Variants in STXBP2 observed in about 807,000 individuals in gnomAD.
STXBP2 encodes the protein syntaxin binding protein 2, also known as syntaxin-binding protein 2.
In STXBP2, 47 loss-of-function variants were observed where a neutral mutation model predicts 72.2. That is an observed-to-expected ratio of 0.65 (90% CI 0.51 to 0.83). The LOEUF (loss-of-function observed/expected upper bound fraction) is 0.83, where lower values mean the gene tolerates loss of function less well. Ranked by LOEUF, STXBP2 falls within the 40% of genes least tolerant of loss-of-function variation. The probability of loss-of-function intolerance (pLI) is 0.00; values close to 1 mark genes in which losing one functional copy is unlikely to be tolerated. For missense variants in STXBP2, 702 were observed against 807.6 expected, an observed-to-expected ratio of 0.87 and a Z score of 1.58; for synonymous variants, 367 against 338.7, an observed-to-expected ratio of 1.08 and a Z score of -0.92.
chr19:7,631,414 C>A, the STXBP2 span: 1 of 1,418,488 alleles, frequency 7.0e-7, no homozygotes, highest in South Asian at 1.3e-5. Flanking sequence ...GGGGGTGGTC[C>A]CGGCTCTGAG....
intron 16 of STXBP2, chr19:7,646,674 G>A: frequency 4.5e-6 from 2 of 445,934 alleles, no homozygotes; most frequent in South Asian, 4.6e-5. Flanking sequence ...ACCATCCAAT[G>A]GCAATGGGCC....
intron 15 of STXBP2, among the ~76,000 whole-genome samples, chr19:7,645,634 A>G (rs562869581): frequency 7.9e-5 from 12 of 152,084 alleles, no homozygotes; most frequent in African/African-American, 2.4e-4. Flanking sequence ...CACATTGTCT[A>G]TCTGGGCTCC....
chr19:7,631,515 C>T, the STXBP2 span: 21 of 1,535,978 alleles, frequency 1.4e-5, no homozygotes, highest in South Asian at 1.2e-4. Flanking sequence ...ACGGAAGCGG[C>T]GGGAGGAGAA....
In STXBP2 at chr19:7,640,919, C is replaced by G. The variant is rs1199356702; in HGVS notation, c.345C>G (p.Phe115Leu). The change falls in exon 6 of 19, where the codon TTC (phenylalanine) becomes TTG (leucine). Residue 115 changes from phenylalanine to leucine, a missense_variant. By Grantham distance (22) the Phe-to-Leu change is conservative. Coordinates refer to ENST00000221283, the MANE Select transcript of STXBP2 (RefSeq NM_006949.4). ...FFTDTCPEPLFSELGRSRLAK... is the reference protein window; with the variant it reads ...FFTDTCPEPLLSELGRSRLAK... ...CCCCAGCCTGCCCCGAGCCCCTGTT[C>G]AGTGAGCTAGGCCGCTCTCGTCTGG... 2 of 1,614,210 alleles carry G rather than the reference C, an allele frequency of 1.2e-6. No homozygotes were observed. Among genetic ancestry groups the G allele is most frequent in the Non-Finnish European group, 8.5e-7 (1 of 1,180,020 alleles).
intron 4 of STXBP2, 130 bp downstream of exon 4, chr19:7,639,937 T>G: frequency 2.3e-6 from 1 of 429,414 alleles, no homozygotes; most frequent in Non-Finnish European, 3.9e-6. Flanking sequence ...TGTATGTGTG[T>G]GCATGTGTGT....
intron 6 of STXBP2, 100 bp from the exon 7 acceptor site, chr19:7,641,605 C>G (rs777706492): frequency 9.3e-6 from 14 of 1,509,430 alleles, no homozygotes; most frequent in Non-Finnish European, 1.3e-5. Context: ...CTTCAGGGAC[C>G]AGGGACGGCT....
At chr19:7,646,548 G>A (rs1023872346) in intron 16 of STXBP2, 29 of 638,666 alleles carry the variant, frequency 4.5e-5, no homozygotes, top group Non-Finnish European at 8.3e-5. Context: ...GTGCTGGGGA[G>A]CCTCACTTCC....
chr19:7,640,042 G>T, intron 4 of STXBP2: 1 of 655,276 alleles, frequency 1.5e-6, no homozygotes, highest in African/African-American at 1.8e-5. Flanking sequence ...GTGCGTCTGT[G>T]TGTGCATTTG....
At chr19:7,645,889 T>C in intron 15 of STXBP2, 1 of 375,806 alleles carries the variant, frequency 2.7e-6, no homozygotes, top group Non-Finnish European at 4.7e-6. Flanking sequence ...CTTGCTCCCC[T>C]CCCCTCTCCG....
chr19:7,638,913 C>T, intron 2 of STXBP2, 106 bp from the exon 3 acceptor site: 1 of 1,566,472 alleles, frequency 6.4e-7, no homozygotes, highest in Non-Finnish European at 8.8e-7. Context: ...GTCCTCCCAC[C>T]CAGCCAGCCC....
chr19:7,638,826 C>T, intron 2 of STXBP2, 51 bp downstream of exon 2: 1 of 1,611,508 alleles, frequency 6.2e-7, no homozygotes, highest in African/African-American at 1.3e-5. Context: ...ATCATCAGGC[C>T]TATGGGGAAG....
intron 4 of STXBP2, chr19:7,640,501 T>C (rs1426613432): frequency 1.7e-6 from 1 of 580,220 alleles, no homozygotes; most frequent in Non-Finnish European, 3.2e-6. Context: ...TGTGTGCATC[T>C]GTGTGTGTGT....
At chr19:7,638,396 G>T (rs932660349) in intron 1 of STXBP2, among the ~76,000 whole-genome samples, 9 of 152,156 alleles carry the variant, frequency 5.9e-5, no homozygotes, top group African/African-American at 2.2e-4. Context: ...GAGGCCAAAA[G>T]TTTGAGACCA....
At chr19:7,632,929 C>A, upstream of STXBP2, 1 of 1,494,054 alleles carries the variant, frequency 6.7e-7, no homozygotes, top group Non-Finnish European at 8.9e-7. This position sits in a 1 kb window ranked among gnomAD's most constrained non-coding sequence, Gnocchi z 5.2. Context: ...CGGGGCCTGC[C>A]GTCCCCACTT....
In STXBP2 at chr19:7,640,816, G is replaced by C; in HGVS notation, c.325+7G>C. On this transcript the variant is annotated splice_region_variant and intron_variant, in intron 5 of 18. Coordinates refer to ENST00000221283, the MANE Select transcript of STXBP2 (RefSeq NM_006949.4). The stretch of plus-strand genomic sequence containing the variant: ...CATATCTTCTTCACCGACAGTGAGT[G>C]AGGAGAGCCTAGGGTGTTGGTGGGT... The C allele has an allele frequency of 3.7e-6, 6 of 1,614,162 alleles. No homozygotes were observed. The highest frequency in any genetic ancestry group is 4.2e-6 in the Non-Finnish European group (5 of 1,179,988).
upstream of STXBP2, among the ~76,000 whole-genome samples, chr19:7,635,712 A>G (rs943338626): frequency 6.6e-5 from 10 of 152,232 alleles, no homozygotes; most frequent in Admixed American, 2.6e-4. Flanking sequence ...AACAAAAACA[A>G]ACAAAAATGG....
chr19:7,639,814 A>T lies in STXBP2; in HGVS notation c.246+7A>T. 1.9e-6 allele frequency: 3 copies of T among 1,613,846 alleles called. No homozygotes were observed. The highest frequency in any genetic ancestry group is 2.5e-6 in the Non-Finnish European group (3 of 1,179,934). Reference sequence around the variant, plus strand: ...GCTGAGCCCCACGGAGAAGGTGCCTACATGAGTGAGCGTGTGTGTATGCGC... The same window carrying T: ...GCTGAGCCCCACGGAGAAGGTGCCTTCATGAGTGAGCGTGTGTGTATGCGC... On this transcript the variant is annotated splice_region_variant and intron_variant, in intron 4 of 18. Transcript: ENST00000221283.
At chr19:7,629,952 A>T in the STXBP2 span, 2 of 1,370,778 alleles carry the variant, frequency 1.5e-6, no homozygotes, top group South Asian at 3.0e-5. Context: ...TCAAAGGAAG[A>T]GGGAGCTCCA....
intron 14 of STXBP2, 198 bp from the exon 15 acceptor site, chr19:7,644,999 C>G: frequency 1.4e-6 from 2 of 1,449,030 alleles, no homozygotes; most frequent in Non-Finnish European, 1.8e-6. Context: ...GGGGCTCCCT[C>G]AGCTCATCTG....
Sources: allele counts gnomAD v4.1 joint callset (sites outside exome capture counted in the v4.1 genomes callset), GRCh38; gene constraint gnomAD v4.1.1; non-coding constraint Gnocchi (gnomAD v3.1); transcripts MANE v1.5; gene names NCBI Gene and HGNC (gene_info 2026-07-23, HGNC 2026-07-21).